The following KLHL4 variants were observed in gnomAD, a reference collection of about 807,000 sequenced individuals.
KLHL4 encodes kelch like family member 4.
KLHL4 carries 17 observed loss-of-function variants against 45.8 expected under a neutral mutation model. The ratio of observed to expected loss-of-function variants is 0.37; its 90% CI spans 0.25 to 0.56. The LOEUF (loss-of-function observed/expected upper bound fraction) is 0.56, where lower values mean the gene tolerates loss of function less well. KLHL4 is among the 20% of genes least tolerant of loss of function. The pLI, the probability that KLHL4 is intolerant of heterozygous loss-of-function variation, is 0.79. For synonymous variants in KLHL4, 224 were observed against 189.9 expected (o/e 1.18, Z -1.47); for missense variants, 544 against 544.9 (o/e 1.00, Z 0.02).
chrX:87,600,397 G>A (rs754156126), intron 1 of KLHL4, among the ~76,000 whole-genome samples: 9 of 109,375 alleles, frequency 8.2e-5, no homozygotes, highest in Admixed American at 1.9e-4. Flanking sequence ...GCAGGAGAAT[G>A]GCGTGAACCC....
chrX:87,561,669 G>C (rs1237128322), intron 1 of KLHL4, among the ~76,000 whole-genome samples: 1 of 111,043 alleles, frequency 9.0e-6, no homozygotes, highest in Non-Finnish European at 1.9e-5. Context: ...ATCTGGAGCA[G>C]CCTAAGGAGT....
rs781589090 is a variant in KLHL4 at position 87,566,301 on chromosome X, C to T, written c.423-47576C>T. 6.3e-5 allele frequency among the ~76,000 whole-genome samples: 7 copies of T among 110,576 alleles called. No homozygotes were observed. The Admixed American group carries it at 6.8e-4, about 11-fold the overall frequency. On this transcript the variant is annotated intron_variant, in intron 1 of 10. Coordinates refer to ENST00000373119, the MANE Select transcript of KLHL4 (RefSeq NM_019117.5). ...ACAATAAAACATAAAAATCATCCCT[C>T]ATGAAAATAGATACAAAAAATCATT...
chrX:87,614,656 C>G (rs1922497546), intron 3 of KLHL4, 86 bp downstream of exon 3: 3 of 808,917 alleles, frequency 3.7e-6, no homozygotes, highest in Non-Finnish European at 5.2e-6. Context: ...ATTATTGCTA[C>G]TAATACTACT....
At chrX:87,569,805 G>C (rs1932295601) in intron 1 of KLHL4, among the ~76,000 whole-genome samples, 1 of 111,584 alleles carries the variant, frequency 9.0e-6, no homozygotes, top group Non-Finnish European at 1.9e-5. Context: ...ATCAATGGTT[G>C]CTGAAGGATA....
chrX:87,629,276 G>A (rs1238273606), intron 6 of KLHL4, among the ~76,000 whole-genome samples: 1 of 111,352 alleles, frequency 9.0e-6, no homozygotes, highest in Non-Finnish European at 1.9e-5. Context: ...TAAAGGAAAA[G>A]ATGGTAAAAA....
rs1312137345 is a variant in KLHL4, at chrX:87,669,823, A to C, written c.*3289A>C. On this transcript the variant is annotated 3_prime_UTR_variant, in exon 11 of 11. Coordinates refer to ENST00000373119, the MANE Select transcript of KLHL4 (RefSeq NM_019117.5). ...CTTGTCTGTGGAAGATATCACATGA[A>C]CTACCTAATTTTCAAGCATGGATCT... 8.7e-6 allele frequency: 1 copy of C among 114,578 alleles called. No homozygotes were observed. Among genetic ancestry groups the C allele is most frequent in the African/African-American group, 3.3e-5 (1 of 30,659 alleles). The allele number at this position is 114,578 out of a possible 1,213,427, so 9.4% of individuals were successfully genotyped here. A position where few individuals can be genotyped will look rare whatever the true frequency, so the allele number is the denominator to read the frequency against.
chrX:87,651,137 A>G (rs1288929329), intron 9 of KLHL4, among the ~76,000 whole-genome samples: 1 of 112,015 alleles, frequency 8.9e-6, no homozygotes, highest in Non-Finnish European at 1.9e-5. Context: ...GTTGGAAATT[A>G]ACAAAATGGC....
At position 87,660,847 on chromosome X, in the gene KLHL4, AAAAC is replaced by A. The variant is rs571528897; in HGVS notation, c.1926-3893_1926-3890del. 1.8e-3 allele frequency among the ~76,000 whole-genome samples: 199 copies of A among 112,448 alleles called. 2 individuals are homozygous for A. In the South Asian group the frequency reaches 0.041, roughly 23 times the overall value. On this transcript the variant is annotated intron_variant, in intron 9 of 10. Transcript: ENST00000373119. ...CAACAGAATGAGACTCTGTCTTTAAAAAACAAACAAACAAACAAACAAACAAAAA... is the reference window on the plus strand; with the variant it reads ...CAACAGAATGAGACTCTGTCTTTAAAAAACAAACAAACAAACAAACAAAAA...
intron 4 of KLHL4, among the ~76,000 whole-genome samples, 159 bp from the exon 5 acceptor site, chrX:87,622,052 C>T (rs986701186): frequency 8.9e-6 from 1 of 111,892 alleles, no homozygotes; most frequent in Non-Finnish European, 1.9e-5. Context: ...CTCCCTGTTA[C>T]CCATGTCACA....
Position 87,517,806 on chromosome X carries a change from G to C in KLHL4, c.-88G>C. The C allele has an allele frequency of 3.0e-6, 3 of 1,000,580 alleles. No homozygotes were observed. In the East Asian group the frequency reaches 9.2e-5, roughly 31 times the overall value. 82.5% of individuals were successfully genotyped at this position (1,000,580 alleles called of 1,213,427 possible). On this transcript the variant is annotated 5_prime_UTR_variant, in exon 1 of 11. Transcript: ENST00000373119. ...GCTCTCGGCACTTGTGCTTTTGTTAGTTCTACAGAAGAGGCAGAAAAACAA... is the reference window on the plus strand; with the variant it reads ...GCTCTCGGCACTTGTGCTTTTGTTACTTCTACAGAAGAGGCAGAAAAACAA...
Position 87,518,240 on chromosome X carries a change from T to C in KLHL4, c.347T>C (p.Phe116Ser). ...TPKSVPEKNL[F>S]KEACEKRAQD... Reference sequence around the variant, plus strand: ...AAATCAGTTCCAGAGAAGAATTTATTCAAAGAAGCTTGTGAGAAACGCGCA... The same window carrying C: ...AAATCAGTTCCAGAGAAGAATTTATCCAAAGAAGCTTGTGAGAAACGCGCA... Residue 116 changes from phenylalanine (F) to serine (S), a missense_variant, in exon 1 of 11, where the codon TTC (phenylalanine) becomes TCC (serine). Transcript: ENST00000373119. 8.3e-7 allele frequency: 1 copy of C among 1,211,473 alleles called. No individual in the cohort carries two copies. Among genetic ancestry groups the C allele is most frequent in the Non-Finnish European group, 1.1e-6 (1 of 895,109 alleles).
At chrX:87,524,900 G>C (rs186118623) in intron 1 of KLHL4, among the ~76,000 whole-genome samples, 4 of 111,625 alleles carry the variant, frequency 3.6e-5, no homozygotes, top group Admixed American at 9.5e-5. Flanking sequence ...GGTTATCTGC[G>C]TGAATCAATT....
rs746121258 is a variant in KLHL4 at position 87,592,020 on chromosome X, C to A, written c.423-21857C>A. 7.3e-5 allele frequency among the ~76,000 whole-genome samples: 8 copies of A among 109,127 alleles called. No homozygotes were observed. The East Asian group carries it at 2.0e-3, about 28-fold the overall frequency. 94.8% of individuals were successfully genotyped at this position (109,127 alleles called of 115,157 possible). A position where few individuals can be genotyped will look rare whatever the true frequency, so the allele number is the denominator to read the frequency against. On this transcript the variant is annotated intron_variant, in intron 1 of 10. Transcript: ENST00000373119. ...TCCCCCCCCACCCCCACTATCCTTG[C>A]CAGCCCGTAGTAGCCATCATTCTCC...
At chrX:87,623,209 C>T (rs1329438228) in intron 5 of KLHL4, among the ~76,000 whole-genome samples, 1 of 109,167 alleles carries the variant, frequency 9.2e-6, no homozygotes, top group Non-Finnish European at 1.9e-5. Context: ...AACATGAATT[C>T]ACTTTTATAA....
intron 1 of KLHL4, among the ~76,000 whole-genome samples, chrX:87,578,355 A>G (rs1921160939): frequency 8.9e-6 from 1 of 111,796 alleles, no homozygotes; most frequent in Admixed American, 9.5e-5. Context: ...AGTAGAGGCA[A>G]TGTGAGAAAT....
chrX:87,652,019 C>A (rs1237215040), intron 9 of KLHL4, among the ~76,000 whole-genome samples: 2 of 112,494 alleles, frequency 1.8e-5, no homozygotes, highest in Non-Finnish European at 3.8e-5. Flanking sequence ...GGTTCCCAAA[C>A]CCCAATTATT....
chrX:87,573,818 A>T (rs1448900003), intron 1 of KLHL4, among the ~76,000 whole-genome samples: 1 of 111,856 alleles, frequency 8.9e-6, no homozygotes, highest in Non-Finnish European at 1.9e-5. Context: ...AGTAAAAATT[A>T]TAAAGGAAAG....
At chrX:87,629,847 A>G (rs1424813415) in intron 6 of KLHL4, among the ~76,000 whole-genome samples, 1 of 112,043 alleles carries the variant, frequency 8.9e-6, no homozygotes, top group African/African-American at 3.2e-5. Flanking sequence ...CAGTTTTAAC[A>G]TTACCATCAA....
intron 1 of KLHL4, among the ~76,000 whole-genome samples, chrX:87,606,555 T>A (rs1311024158): frequency 2.7e-5 from 3 of 110,897 alleles, no homozygotes; most frequent in East Asian, 2.8e-4. Flanking sequence ...TACAAAAAAA[T>A]TCATAAAAGT....
Sources: gnomAD v4.1 joint callset for allele counts (sites outside exome capture counted in the v4.1 genomes callset) on GRCh38, gnomAD v4.1.1 for gene constraint, MANE v1.5 for transcripts, NCBI Gene and HGNC (gene_info 2026-07-23, HGNC 2026-07-21) for gene names.